Variants in CHN2 observed in about 807,000 individuals in gnomAD.
CHN2 encodes the protein beta-chimaerin.
In CHN2, 35 loss-of-function variants were observed where a neutral mutation model predicts 56.3. The ratio of observed to expected loss-of-function variants is 0.62; its 90% CI spans 0.47 to 0.82. CHN2 has a LOEUF of 0.82. Ranked by LOEUF, CHN2 falls within the 40% of genes least tolerant of loss-of-function variation. CHN2 has a pLI of 0.00. For synonymous variants in CHN2, 210 were observed against 212.8 expected (o/e 0.99, Z 0.12); for missense variants, 491 against 580.5 (o/e 0.85, Z 1.58).
rs188085100 is a variant in CHN2, at chr7:29,367,853, A to T, written c.89-79A>T. The T allele has an allele frequency of 2.9e-4, 355 of 1,209,272 alleles. 5 individuals carry two copies. In the East Asian group the frequency reaches 7.8e-3, roughly 27 times the overall value. The allele number at this position is 1,209,272 out of a possible 1,614,324, so 74.9% of individuals were successfully genotyped here. ...ATCCTTGAGATGTACTTAGGTGGAA[A>T]TATTTGAAGGCACGTTGATATGTGT... is the stretch of plus-strand genomic sequence containing the variant. On this transcript the variant is annotated intron_variant, in intron 2 of 12. Coordinates refer to ENST00000222792, the MANE Select transcript of CHN2 (RefSeq NM_004067.4).
chr7:29,270,340 A>AT (rs927420383), intron 1 of CHN2, among the ~76,000 whole-genome samples: 8 of 152,000 alleles, frequency 5.3e-5, no homozygotes, highest in African/African-American at 1.9e-4. Flanking sequence ...TGCATTCATG[A>AT]TTTTCAATTT....
At chr7:29,456,765 G>A (rs1367706216) in intron 6 of CHN2, among the ~76,000 whole-genome samples, 2 of 152,030 alleles carry the variant, frequency 1.3e-5, no homozygotes, top group East Asian at 1.9e-4. Context: ...ACTGGTCTCC[G>A]ACTAGGAGGG....
intron 1 of CHN2, among the ~76,000 whole-genome samples, chr7:29,268,095 CTTTATTTTA>C (rs556813010): frequency 6.6e-6 from 1 of 152,010 alleles, no homozygotes; most frequent in Admixed American, 6.6e-5. Flanking sequence ...TTTTGAGTAT[CTTTATTTTA>C]TTTGTTTAGT....
chr7:29,255,176 C>T (rs1031078296), intron 1 of CHN2, among the ~76,000 whole-genome samples: 1 of 152,192 alleles, frequency 6.6e-6, no homozygotes, highest in South Asian at 2.1e-4. Context: ...TGGACATGCC[C>T]GGTGGATTGT....
At chr7:29,293,364 C>T (rs1289083456) in intron 1 of CHN2, among the ~76,000 whole-genome samples, 2 of 10,722 alleles carry the variant, frequency 1.9e-4, no homozygotes, top group Non-Finnish European at 3.6e-4. Context: ...CAGCTAATGC[C>T]CCCCCCCCCC....
intron 7 of CHN2, among the ~76,000 whole-genome samples, chr7:29,492,860 A>G (rs1788812612): frequency 6.6e-6 from 1 of 152,200 alleles, no homozygotes; most frequent in African/African-American, 2.4e-5. Flanking sequence ...TCTTATCAGC[A>G]TTCAACATAA....
At chr7:29,329,625 G>C (rs1414307256) in intron 1 of CHN2, among the ~76,000 whole-genome samples, 1 of 152,164 alleles carries the variant, frequency 6.6e-6, no homozygotes, top group Non-Finnish European at 1.5e-5. Flanking sequence ...CTATTCTCGA[G>C]TCGTGTGTAC....
intron 11 of CHN2, among the ~76,000 whole-genome samples, chr7:29,507,624 G>C (rs1420139): frequency 0.19 from 29,546 of 151,924 alleles, 2,985 homozygotes; most frequent in South Asian, 0.24. Context: ...AACACAGTCA[G>C]GCCTATTATA....
At chr7:29,311,697 A>G (rs1022732193) in intron 1 of CHN2, among the ~76,000 whole-genome samples, 1 of 151,888 alleles carries the variant, frequency 6.6e-6, no homozygotes, top group Admixed American at 6.6e-5. Flanking sequence ...TAGAGGGGGG[A>G]TCATGTGTTA....
rs558951770 is a variant in CHN2, at chr7:29,449,947, G to A, written c.577-30332G>A. Among the ~76,000 whole-genome samples, 5 of 152,286 alleles carry A rather than the reference G, an allele frequency of 3.3e-5. No homozygotes were observed. The East Asian group carries it at 5.8e-4, about 18-fold the overall frequency. On this transcript the variant is annotated intron_variant, in intron 6 of 12. Transcript: ENST00000222792. The stretch of plus-strand genomic sequence containing the variant: ...TCTTTTCTCTATTTCCAGAGAAAAC[G>A]ATCACAGGCCAAGCTTAATTTGTGG...
chr7:29,338,478 T>C (rs1020353110), intron 1 of CHN2, among the ~76,000 whole-genome samples: 4 of 152,224 alleles, frequency 2.6e-5, no homozygotes, highest in African/African-American at 9.6e-5. Flanking sequence ...ATGATTAATA[T>C]ATGTGATTAT....
chr7:29,263,936 A>G (rs1462705613), intron 1 of CHN2, among the ~76,000 whole-genome samples: 1 of 149,236 alleles, frequency 6.7e-6, no homozygotes, highest in South Asian at 2.1e-4. Flanking sequence ...GCTGGGGGGC[A>G]GCCCCCGCCC....
intron 1 of CHN2, among the ~76,000 whole-genome samples, chr7:29,268,371 G>C (rs754477175): frequency 6.7e-6 from 1 of 149,188 alleles, no homozygotes; most frequent in Non-Finnish European, 1.5e-5. Flanking sequence ...TTGAGTATTA[G>C]GATTGGCTAG....
At chr7:29,214,642 T>G (rs2128784404) in intron 1 of CHN2, among the ~76,000 whole-genome samples, 2 of 152,336 alleles carry the variant, frequency 1.3e-5, no homozygotes, top group Middle Eastern at 6.8e-3. Flanking sequence ...TACTGAAAAC[T>G]TCGTCATTTC....
chr7:29,238,487 A>G (rs1239940079), intron 1 of CHN2, among the ~76,000 whole-genome samples: 14 of 152,206 alleles, frequency 9.2e-5, no homozygotes, highest in Admixed American at 8.5e-4. Flanking sequence ...TTTATTTAAC[A>G]TATATTGATC....
chr7:29,160,024 G>A (rs1198553428), intron 2 of CHN2, among the ~76,000 whole-genome samples: 1 of 152,192 alleles, frequency 6.6e-6, no homozygotes, highest in Admixed American at 6.5e-5. Context: ...AGCACACAGT[G>A]TTGTGGAGAG....
chr7:29,347,599 G>A (rs1394128946), intron 1 of CHN2, among the ~76,000 whole-genome samples: 1 of 152,112 alleles, frequency 6.6e-6, no homozygotes, highest in African/African-American at 2.4e-5. Context: ...CAGCATGGGG[G>A]AAACCACCCC....
At chr7:29,148,284 A>G (rs1385963564) in intron 2 of CHN2, among the ~76,000 whole-genome samples, 1 of 152,206 alleles carries the variant, frequency 6.6e-6, no homozygotes, top group Non-Finnish European at 1.5e-5. Flanking sequence ...ACGTGGAACC[A>G]CTTAAAAACT....
chr7:29,238,180 G>A (rs1345938793), intron 1 of CHN2, among the ~76,000 whole-genome samples: 1 of 151,764 alleles, frequency 6.6e-6, no homozygotes, highest in African/African-American at 2.4e-5. Context: ...ACCACGCCCG[G>A]CTAATATTTT....
Sources: allele counts gnomAD v4.1 joint callset (sites outside exome capture counted in the v4.1 genomes callset), GRCh38; gene constraint gnomAD v4.1.1; transcripts MANE v1.5; gene names NCBI Gene and HGNC (gene_info 2026-07-23, HGNC 2026-07-21).